GPT2: variants seen among roughly 807,000 people sequenced by gnomAD.
GPT2 encodes the protein glutamic--pyruvic transaminase 2.
A neutral mutation model predicts 56.9 loss-of-function variants in GPT2; 30 were observed. The ratio of observed to expected loss-of-function variants is 0.53; its 90% CI spans 0.39 to 0.72. The LOEUF is 0.72. Ranked by LOEUF, GPT2 falls within the 30% of genes least tolerant of loss-of-function variation. The pLI is 0.00. For missense variants in GPT2, 542 were observed against 703.4 expected (o/e 0.77, Z 2.60); for synonymous variants, 271 against 283.1 (o/e 0.96, Z 0.43).
chr16:46,889,648 G>C (rs1438057095), intron 2 of GPT2, among the ~76,000 whole-genome samples: 1 of 152,190 alleles, frequency 6.6e-6, no homozygotes, highest in African/African-American at 2.4e-5. Context: ...ACATACGCTG[G>C]GCTCTGCCTT....
At chr16:46,885,073 A>T in intron 2 of GPT2, 115 bp downstream of exon 2, 3 of 1,351,238 alleles carry the variant, frequency 2.2e-6, no homozygotes, top group Admixed American at 3.5e-5. Context: ...CTCCTCAGTC[A>T]GCCAAGCCTG....
intron 4 of GPT2, among the ~76,000 whole-genome samples, chr16:46,902,379 CATGT>C (rs1244646096): frequency 6.6e-6 from 1 of 152,170 alleles, no homozygotes; most frequent in Non-Finnish European, 1.5e-5. Context: ...AAGGAAGGTT[CATGT>C]GTGCTAAAGC....
intron 7 of GPT2, among the ~76,000 whole-genome samples, chr16:46,917,604 G>A (rs539549465): frequency 1.3e-4 from 20 of 151,926 alleles, no homozygotes; most frequent in Non-Finnish European, 5.9e-5. Context: ...CATGGTTTCC[G>A]GCGAGCTGCA....
chr16:46,908,540 T>C (rs761419214), intron 5 of GPT2, among the ~76,000 whole-genome samples: 4 of 152,204 alleles, frequency 2.6e-5, no homozygotes, highest in Admixed American at 2.6e-4. Flanking sequence ...TGTAAGGCTC[T>C]TGTTTGTTGA....
At chr16:46,884,663 C>T (rs1266679953) in intron 1 of GPT2, 31 bp from the exon 2 acceptor site, 2 of 1,357,898 alleles carry the variant, frequency 1.5e-6, no homozygotes, top group Non-Finnish European at 1.9e-6. Context: ...CAGTGCGCGA[C>T]GTGTTTGTTC....
intron 9 of GPT2, chr16:46,924,182 C>A: frequency 1.5e-6 from 1 of 647,410 alleles, no homozygotes; most frequent in South Asian, 1.6e-5. Flanking sequence ...CAGACCACCC[C>A]ACCCACTCCG....
intron 7 of GPT2, 113 bp from the exon 8 acceptor site, chr16:46,918,508 G>A (rs966049720): frequency 1.6e-6 from 2 of 1,226,932 alleles, no homozygotes; most frequent in Non-Finnish European, 2.3e-6. Flanking sequence ...ACAGGAGGCT[G>A]GGCCGGCTGG....
In GPT2 at chr16:46,924,657, T is replaced by G. The variant is rs562342230; in HGVS notation, c.1368+113T>G. On this transcript the variant is annotated intron_variant, in intron 10 of 11. Transcript: ENST00000340124. Reference sequence around the variant, plus strand: ...AGTGCTGGCCCTGGAGGCTCGGAACTGTATGCACCTCTCGGCCAGAGGGTG... The same window carrying G: ...AGTGCTGGCCCTGGAGGCTCGGAACGGTATGCACCTCTCGGCCAGAGGGTG... 10 of 1,066,920 alleles carry G rather than the reference T, an allele frequency of 9.4e-6. No homozygotes were observed. The East Asian group carries it at 2.4e-4, about 25-fold the overall frequency. The allele number at this position is 1,066,920 out of a possible 1,614,324, so 66.1% of individuals were successfully genotyped here. A position where few individuals can be genotyped will look rare whatever the true frequency, so the allele number is the denominator to read the frequency against.
chr16:46,922,487 G>A (rs1205154974), intron 9 of GPT2, 71 bp downstream of exon 9: 4 of 1,451,606 alleles, frequency 2.8e-6, no homozygotes, highest in Non-Finnish European at 3.7e-6. Flanking sequence ...CCAGTGGCCA[G>A]CCTGTCTCCA....
rs1264789138 is a variant in GPT2, at chr16:46,909,725, G to A, written c.618G>A (p.Arg206=). ...TCGTCTCCGGGGGCGGCAAGTCACG[G>A]ACAGGTGTGATGATCCCCATCCCAC... ...KILVSGGGKS[R]TGVMIPIPQY... is the part of the protein sequence containing the mutation. The change falls in exon 6 of 12, where the codon CGG becomes CGA. Residue 206 remains arginine (R), a synonymous_variant. Coordinates refer to ENST00000340124, the MANE Select transcript of GPT2 (RefSeq NM_133443.4). The A allele has an allele frequency of 1.9e-6, 3 of 1,614,140 alleles. No homozygotes were observed. The highest frequency in any genetic ancestry group is 2.2e-5 in the East Asian group (1 of 44,884).
At chr16:46,928,655 A>G (rs536736766) in intron 11 of GPT2, among the ~76,000 whole-genome samples, 21 of 152,106 alleles carry the variant, frequency 1.4e-4, no homozygotes, top group African/African-American at 4.8e-4. Flanking sequence ...TTCTGCAGTA[A>G]TGGGTGGATA....
At chr16:46,901,683 C>G (rs1228708142) in intron 4 of GPT2, among the ~76,000 whole-genome samples, 1 of 152,172 alleles carries the variant, frequency 6.6e-6, no homozygotes, top group African/African-American at 2.4e-5. Flanking sequence ...GGAGTGGCCC[C>G]CCTTGTTGTC....
At chr16:46,919,469 G>A (rs1343131816) in intron 8 of GPT2, among the ~76,000 whole-genome samples, 1 of 152,206 alleles carries the variant, frequency 6.6e-6, no homozygotes, top group Admixed American at 6.5e-5. Context: ...CAGATATCTG[G>A]GGGAAGAGCA....
At chr16:46,905,791 TG>T (rs1960912871) in intron 4 of GPT2, among the ~76,000 whole-genome samples, 1 of 152,256 alleles carries the variant, frequency 6.6e-6, no homozygotes, top group African/African-American at 2.4e-5. Flanking sequence ...CACCAGGCTC[TG>T]GATACGGAGC....
intron 2 of GPT2, chr16:46,885,404 G>T: frequency 1.2e-6 from 1 of 852,258 alleles, no homozygotes; most frequent in Non-Finnish European, 1.4e-6. Context: ...GACGGGGTGG[G>T]GGGGGCTCTG....
In GPT2 at chr16:46,885,680, T is replaced by C. The variant is rs554328202; in HGVS notation, c.243+722T>C. 806 of 280,534 alleles carry C rather than the reference T, an allele frequency of 2.9e-3. 1 individual carries two copies. The highest frequency in any genetic ancestry group is 6.5e-3 in the Admixed American group (100 of 15,374). The allele number at this position is 280,534 out of a possible 1,614,324, so 17.4% of individuals were successfully genotyped here. A position where few individuals can be genotyped will look rare whatever the true frequency, so the allele number is the denominator to read the frequency against. The stretch of plus-strand genomic sequence containing the variant: ...GCTGGCTAGGATCTTGGCTTGAGTT[T>C]ATAGCTTCATGTAAGGTGAGCCCAC... On this transcript the variant is annotated intron_variant, in intron 2 of 11. Coordinates refer to ENST00000340124, the MANE Select transcript of GPT2 (RefSeq NM_133443.4).
At chr16:46,891,914 C>A (rs1439025475) in intron 2 of GPT2, among the ~76,000 whole-genome samples, 1 of 151,754 alleles carries the variant, frequency 6.6e-6, no homozygotes, top group African/African-American at 2.4e-5. Context: ...CCCCACCCAC[C>A]CCTACTGCCC....
At chr16:46,914,420 C>G (rs115966469) in intron 6 of GPT2, among the ~76,000 whole-genome samples, 8 of 152,332 alleles carry the variant, frequency 5.3e-5, no homozygotes, top group African/African-American at 1.9e-4. Flanking sequence ...CCTGTAGTTT[C>G]AGCTATTCGG....
intron 3 of GPT2, among the ~76,000 whole-genome samples, chr16:46,898,543 T>C (rs1960729867): frequency 6.6e-6 from 1 of 152,050 alleles, no homozygotes; most frequent in African/African-American, 2.4e-5. Context: ...TATTTAGGTT[T>C]TGTTTTTGTT....
Sources: allele counts gnomAD v4.1 joint callset (sites outside exome capture counted in the v4.1 genomes callset), GRCh38; gene constraint gnomAD v4.1.1; transcripts MANE v1.5; gene names NCBI Gene and HGNC (gene_info 2026-07-23, HGNC 2026-07-21).